The following RPH3AL variants were observed in gnomAD, a reference collection of about 807,000 sequenced individuals.
The protein encoded by RPH3AL is rab effector Noc2.
Under a neutral mutation model 43.1 loss-of-function variants are expected in RPH3AL, and 38 were observed. That is an observed-to-expected ratio of 0.88 (90% CI 0.68 to 1.15). The LOEUF (loss-of-function observed/expected upper bound fraction) is 1.15, where lower values mean the gene tolerates loss of function less well. Among genes scored for constraint, RPH3AL ranks in the 50% most tolerant of loss-of-function variants. The probability of loss-of-function intolerance (pLI) is 0.00; values close to 1 mark genes in which losing one functional copy is unlikely to be tolerated. For missense variants in RPH3AL, 462 were observed against 423.2 expected, an observed-to-expected ratio of 1.09 and a Z score of -0.81; for synonymous variants, 189 against 176.3, an observed-to-expected ratio of 1.07 and a Z score of -0.57.
At chr17:320,319 T>C (rs1201320502) in intron 4 of RPH3AL, among the ~76,000 whole-genome samples, 2 of 151,870 alleles carry the variant, frequency 1.3e-5, no homozygotes, top group African/African-American at 4.8e-5. Context: ...GAATGAGCCA[T>C]GCCATCTGGC....
chr17:268,069 T>TA (rs1425112149), intron 6 of RPH3AL, among the ~76,000 whole-genome samples: 2 of 152,148 alleles, frequency 1.3e-5, no homozygotes, highest in East Asian at 1.9e-4. Context: ...TTTTCTAGTT[T>TA]AAAAAAACCT....
intron 5 of RPH3AL, among the ~76,000 whole-genome samples, chr17:314,862 GC>G (rs1388119206): frequency 3.8e-5 from 1 of 26,158 alleles, no homozygotes; most frequent in African/African-American, 1.3e-4. Flanking sequence ...TAGTCCCTGT[GC>G]CCCACCTCCA....
At chr17:314,772 A>ACCTCCACTGACCTGTAGTCCCTGTG (rs2043853673) in intron 5 of RPH3AL, among the ~76,000 whole-genome samples, 1 of 4,356 alleles carries the variant, frequency 2.3e-4, no homozygotes, top group African/African-American at 6.3e-4. Flanking sequence ...AGTCTCTGTG[A>ACCTCCACTGACCTGTAGTCCCTGTG]CCCCACCTCC....
Position 245,509 on chromosome 17 carries a change from C to T in RPH3AL, c.613+1602G>A, listed in dbSNP as rs930134065. Reference sequence around the variant, plus strand: ...TGTGTATGCCCTGACTTGGAGCAGACGGGGCAGTGGCAGCTCTTGAAGTGG... The same window carrying T: ...TGTGTATGCCCTGACTTGGAGCAGATGGGGCAGTGGCAGCTCTTGAAGTGG... On this transcript the variant is annotated intron_variant, in intron 7 of 9. Coordinates refer to ENST00000331302, the MANE Select transcript of RPH3AL (RefSeq NM_006987.4). This position sits in a 1 kb window ranked among gnomAD's most constrained non-coding sequence, Gnocchi z 5.9. 2.6e-5 allele frequency among the ~76,000 whole-genome samples: 4 copies of T among 151,900 alleles called. No individual in the cohort carries two copies. The highest frequency in any genetic ancestry group is 6.6e-5 in the Admixed American group (1 of 15,236).
chr17:321,204 C>T (rs2044460379), intron 4 of RPH3AL, 68 bp downstream of exon 4: 9 of 1,548,790 alleles, frequency 5.8e-6, no homozygotes, highest in Middle Eastern at 2.0e-4. Flanking sequence ...TGCCGGCCTC[C>T]CAGTCCCCTG....
chr17:259,752 A>G (rs1555545660), intron 6 of RPH3AL, among the ~76,000 whole-genome samples: 1 of 152,232 alleles, frequency 6.6e-6, no homozygotes, highest in East Asian at 1.9e-4. Flanking sequence ...CGCTCCTGGT[A>G]CCGCTGCTCG....
chr17:220,422 C>G lies in RPH3AL; in HGVS notation c.614-686G>C, dbSNP rs34229845. 3.1e-4 allele frequency among the ~76,000 whole-genome samples: 28 copies of G among 90,876 alleles called. 1 individual carries two copies. The highest frequency in any genetic ancestry group is 6.7e-3 in the Middle Eastern group (1 of 150). 59.6% of individuals were successfully genotyped at this position (90,876 alleles called of 152,430 possible). On this transcript the variant is annotated intron_variant, in intron 7 of 9. Transcript: ENST00000331302. ...AGACCCAAGCACAACAGCTCGGAGG[C>G]CTCCACTCGGTGAGACAATAGACCC...
chr17:252,968 A>G (rs916730835), intron 6 of RPH3AL, among the ~76,000 whole-genome samples: 33 of 152,294 alleles, frequency 2.2e-4, no homozygotes, highest in African/African-American at 7.7e-4. Flanking sequence ...TTGGATGATG[A>G]CATAGAGTCA....
At chr17:303,424 C>A (rs2151641042) in intron 5 of RPH3AL, among the ~76,000 whole-genome samples, 1 of 151,920 alleles carries the variant, frequency 6.6e-6, no homozygotes, top group Middle Eastern at 3.4e-3. Flanking sequence ...AAAGATTTAA[C>A]AACTTTGCAA....
At chr17:291,535 G>C (rs1017584756) in intron 5 of RPH3AL, among the ~76,000 whole-genome samples, 1 of 152,170 alleles carries the variant, frequency 6.6e-6, no homozygotes, top group Non-Finnish European at 1.5e-5. Flanking sequence ...CCCCTGCCCC[G>C]ATAAAATAGG....
At chr17:335,331 C>T (rs368993467) in intron 1 of RPH3AL, among the ~76,000 whole-genome samples, 8 of 152,070 alleles carry the variant, frequency 5.3e-5, no homozygotes, top group African/African-American at 1.9e-4. Flanking sequence ...AGGACACCCA[C>T]GTGCGAAGGC....
chr17:311,842 G>T (rs1477708085), intron 5 of RPH3AL, among the ~76,000 whole-genome samples: 1 of 152,268 alleles, frequency 6.6e-6, no homozygotes, highest in East Asian at 1.9e-4. Flanking sequence ...GAATTCCAAC[G>T]AGGAGAATGT....
Position 213,639 on chromosome 17 carries a change from G to A in RPH3AL, c.*213C>T. ...TAAATAAGGTCGGGGGCTGAGGGCA[G>A]TGGTTGGAGGGGGTGGCGGATGCAG... On this transcript the variant is annotated 3_prime_UTR_variant, in exon 10 of 10. Transcript: ENST00000331302. The A allele has an allele frequency of 1.7e-6, 1 of 600,154 alleles. No individual in the cohort carries two copies. Among genetic ancestry groups the A allele is most frequent in the Admixed American group, 2.8e-5 (1 of 35,308 alleles). The allele number at this position is 600,154 out of a possible 1,614,324, so 37.2% of individuals were successfully genotyped here. A position where few individuals can be genotyped will look rare whatever the true frequency, so the allele number is the denominator to read the frequency against.
chr17:327,380 G>T, intron 3 of RPH3AL, 87 bp downstream of exon 3: 1 of 1,198,480 alleles, frequency 8.3e-7, no homozygotes, highest in Non-Finnish European at 1.2e-6. Flanking sequence ...CTCTTTCTGG[G>T]CCCCTGGGAA....
Position 322,077 on chromosome 17 carries a change from G to A in RPH3AL, c.78-662C>T, listed in dbSNP as rs977266705. ...TGAAAACTAGCAGGTTCGAGGCGGG[G>A]GGGAAGCGAGTTACAGAAGAGGAGC... is the stretch of plus-strand genomic sequence containing the variant. On this transcript the variant is annotated intron_variant, in intron 3 of 9. Coordinates refer to ENST00000331302, the MANE Select transcript of RPH3AL (RefSeq NM_006987.4). This position sits in a 1 kb window ranked among gnomAD's most constrained non-coding sequence, Gnocchi z 4.0. 1.3e-5 allele frequency among the ~76,000 whole-genome samples: 2 copies of A among 152,160 alleles called. No individual in the cohort carries two copies. The highest frequency in any genetic ancestry group is 4.8e-5 in the African/African-American group (2 of 41,430).
intron 3 of RPH3AL, among the ~76,000 whole-genome samples, chr17:325,524 C>T (rs1443405114): frequency 6.6e-6 from 1 of 152,122 alleles, no homozygotes; most frequent in Non-Finnish European, 1.5e-5. Flanking sequence ...AAGCGCTTCC[C>T]CCCTACTCCC....
At position 242,266 on chromosome 17, in the gene RPH3AL, T is replaced by TTACCTTCCTCTATTGAC. The variant is rs1567576159; in HGVS notation, c.613+4828_613+4844dup. On this transcript the variant is annotated intron_variant, in intron 7 of 9. Transcript: ENST00000331302. ...ATTCATGATTACCTTCCTCTATTGA[T>TTACCTTCCTCTATTGAC]TACCTTCCTCTATTGACTACCTTCC... Among the ~76,000 whole-genome samples the TTACCTTCCTCTATTGAC allele has an allele frequency of 4.3e-4, 55 of 128,110 alleles. 4 individuals are homozygous for TTACCTTCCTCTATTGAC. The highest frequency in any genetic ancestry group is 3.8e-3 in the Middle Eastern group (1 of 260). 84.0% of individuals were successfully genotyped at this position (128,110 alleles called of 152,430 possible). A position where few individuals can be genotyped will look rare whatever the true frequency, so the allele number is the denominator to read the frequency against.
rs1460160406 is a variant in RPH3AL, at chr17:345,717, T to C, written c.-213+6995A>G. On this transcript the variant is annotated intron_variant, in intron 1 of 9. Transcript: ENST00000331302. ...GGGGCACGCGTGCTCCCCATCTGCG[T>C]GCATACCCTACTGGGGCACGCGTGC... Among the ~76,000 whole-genome samples, 9 of 110,288 alleles carry C rather than the reference T, an allele frequency of 8.2e-5. 1 individual carries two copies. Among genetic ancestry groups the C allele is most frequent in the African/African-American group, 2.2e-4 (7 of 31,886 alleles). 72.4% of individuals were successfully genotyped at this position (110,288 alleles called of 152,430 possible). A position where few individuals can be genotyped will look rare whatever the true frequency, so the allele number is the denominator to read the frequency against.
intron 5 of RPH3AL, among the ~76,000 whole-genome samples, chr17:309,736 A>T (rs1343988416): frequency 7.2e-6 from 1 of 139,032 alleles, no homozygotes; most frequent in Admixed American, 6.9e-5. Flanking sequence ...AGGATACGGC[A>T]TGTCCCCTGC....
Sources: gnomAD v4.1 joint callset for allele counts (sites outside exome capture counted in the v4.1 genomes callset) on GRCh38, gnomAD v4.1.1 for gene constraint, Gnocchi (gnomAD v3.1) non-coding constraint, MANE v1.5 for transcripts, NCBI Gene and HGNC (gene_info 2026-07-23, HGNC 2026-07-21) for gene names.